The following DMC1 variants were observed in gnomAD, a reference collection of about 807,000 sequenced individuals.
DMC1 encodes the protein DNA meiotic recombinase 1.
A neutral mutation model predicts 50.1 loss-of-function variants in DMC1; 27 were observed. That is an observed-to-expected ratio of 0.54 (90% confidence interval 0.40 to 0.74). DMC1 has a LOEUF of 0.74. Ranked by LOEUF, DMC1 falls within the 30% of genes least tolerant of loss-of-function variation. The probability of loss-of-function intolerance (pLI) is 0.00; values close to 1 mark genes in which losing one functional copy is unlikely to be tolerated. For missense variants in DMC1, 295 were observed against 420.2 expected (o/e 0.70, Z 2.60); for synonymous variants, 148 against 136.1 (o/e 1.09, Z -0.61).
intron 8 of DMC1, among the ~76,000 whole-genome samples, chr22:38,543,172 A>G (rs999623997): frequency 5.9e-5 from 9 of 152,108 alleles, no homozygotes. Flanking sequence ...ATACCACACA[A>G]GCACAGTCAA....
In DMC1 at chr22:38,522,034, C is replaced by T. The variant is rs141455715; in HGVS notation, c.837-310G>A. Among the ~76,000 whole-genome samples the T allele has an allele frequency of 7.5e-4, 114 of 151,952 alleles. No homozygotes were observed. In the East Asian group the frequency reaches 0.019, roughly 25 times the overall value. ...GTGGTGTGATCTCACTCACTGCAAC[C>T]TCTGCCTCCTGGGTTCAAGCGATTC... On this transcript the variant is annotated intron_variant, in intron 12 of 13. Coordinates refer to ENST00000216024, the MANE Select transcript of DMC1 (RefSeq NM_007068.4).
chr22:38,518,231 C>G (rs1440213151), downstream of DMC1, among the ~76,000 whole-genome samples: 1 of 152,190 alleles, frequency 6.6e-6, no homozygotes, highest in Non-Finnish European at 1.5e-5. Context: ...CTCGGCCTCT[C>G]AAAGTGCTGG....
In DMC1 at chr22:38,554,838, G is replaced by A. The variant is rs11570406; in HGVS notation, c.379+519C>T. ...TTATCAGCTGGGCGCAGTGGCTCAC[G>A]CCTGTAATCCCAGCACTTTGGAAGG... On this transcript the variant is annotated intron_variant, in intron 6 of 13. Coordinates refer to ENST00000216024, the MANE Select transcript of DMC1 (RefSeq NM_007068.4). Among the ~76,000 whole-genome samples, 868 of 151,818 alleles carry A rather than the reference G, an allele frequency of 5.7e-3. 7 individuals carry two copies. Among genetic ancestry groups the A allele is most frequent in the African/African-American group, 0.02 (835 of 41,474 alleles).
At chr22:38,533,675 ATT>A (rs1206308528) in intron 12 of DMC1, among the ~76,000 whole-genome samples, 2 of 152,204 alleles carry the variant, frequency 1.3e-5, no homozygotes, top group Non-Finnish European at 2.9e-5. Flanking sequence ...ACTCTAATTA[ATT>A]TAGGCAAGAA....
intron 8 of DMC1, among the ~76,000 whole-genome samples, chr22:38,547,548 T>C (rs1306231650): frequency 6.6e-6 from 1 of 150,818 alleles, no homozygotes; most frequent in Non-Finnish European, 1.5e-5. Flanking sequence ...TTGTTTTTGT[T>C]TTTTTTTTTG....
At chr22:38,524,875 A>C (rs552212577) in intron 12 of DMC1, among the ~76,000 whole-genome samples, 136 of 152,218 alleles carry the variant, frequency 8.9e-4, no homozygotes, top group Admixed American at 2.2e-3. Context: ...CAGCCTGACC[A>C]ACATGGAGAA....
At chr22:38,516,458 A>G (rs2089977362), downstream of DMC1, among the ~76,000 whole-genome samples, 1 of 152,192 alleles carries the variant, frequency 6.6e-6, no homozygotes, top group Non-Finnish European at 1.5e-5. Flanking sequence ...TGTCCCTACT[A>G]AAAGACTCTG....
intron 12 of DMC1, among the ~76,000 whole-genome samples, chr22:38,524,870 T>C (rs1254174181): frequency 6.6e-6 from 1 of 152,126 alleles, no homozygotes; most frequent in Non-Finnish European, 1.5e-5. Flanking sequence ...AAGATCAGCC[T>C]GACCAACATG....
intron 12 of DMC1, among the ~76,000 whole-genome samples, chr22:38,530,886 A>G (rs766310452): frequency 1.3e-4 from 20 of 152,294 alleles, no homozygotes; most frequent in Non-Finnish European, 2.6e-4. Context: ...CCTGGCCAAC[A>G]TGGTGAAACC....
At chr22:38,523,871 A>G (rs1183437182) in intron 12 of DMC1, among the ~76,000 whole-genome samples, 1 of 152,244 alleles carries the variant, frequency 6.6e-6, no homozygotes, top group Non-Finnish European at 1.5e-5. Context: ...GAAGTTAAGA[A>G]AAAATAAAAT....
intron 7 of DMC1, 40 bp from the exon 8 acceptor site, chr22:38,550,037 A>G (rs1481470680): frequency 6.9e-7 from 1 of 1,456,362 alleles, no homozygotes; most frequent in Admixed American, 1.8e-5. Flanking sequence ...AGGAGTGAAT[A>G]AACTTTGTAC....
chr22:38,549,230 T>A (rs1165779790), intron 8 of DMC1: 1 of 152,188 alleles, frequency 6.6e-6, no homozygotes, highest in Non-Finnish European at 1.5e-5. Flanking sequence ...TAAACTGCAA[T>A]TCGTTGTGTT....
intron 12 of DMC1, among the ~76,000 whole-genome samples, chr22:38,523,354 C>T (rs1030322522): frequency 1.3e-5 from 2 of 152,152 alleles, no homozygotes; most frequent in Admixed American, 6.5e-5. Context: ...TTTCAGGTCA[C>T]CCTACCTTAC....
At chr22:38,516,790 C>T (rs191628846), downstream of DMC1, among the ~76,000 whole-genome samples, 7 of 152,184 alleles carry the variant, frequency 4.6e-5, no homozygotes, top group African/African-American at 1.7e-4. Flanking sequence ...GCAGGTTAAA[C>T]AGTTGAGGAG....
intron 7 of DMC1, 79 bp downstream of exon 7, chr22:38,552,587 T>G: frequency 9.7e-7 from 1 of 1,035,236 alleles, no homozygotes; most frequent in Non-Finnish European, 1.5e-6. Flanking sequence ...ATGAGATTAT[T>G]TAGAGTATCA....
Position 38,538,574 on chromosome 22 carries a change from T to C in DMC1, c.625A>G (p.Lys209Glu). 2 of 1,614,102 alleles carry C rather than the reference T, an allele frequency of 1.2e-6. No homozygotes were observed. Among genetic ancestry groups the C allele is most frequent in the Non-Finnish European group, 1.7e-6 (2 of 1,180,018 alleles). Residue 209 changes from lysine (K) to glutamate (E), a missense_variant, in exon 10 of 14, where the codon AAG becomes GAG. Coordinates refer to ENST00000216024, the MANE Select transcript of DMC1 (RefSeq NM_007068.4). ...AAGATGCCAGCTTCTTCATGGAACT[T>C]TGCTGCTACATAATCAAGTAGCTCC... ...QMELLDYVAA[K>E]FHEEAGIFKL...
intron 1 of DMC1, among the ~76,000 whole-genome samples, chr22:38,569,722 G>A (rs1472668439): frequency 2.6e-5 from 4 of 152,234 alleles, no homozygotes; most frequent in Non-Finnish European, 5.9e-5. Context: ...TCTGGTGGGG[G>A]CAGCAGCGCG....
chr22:38,526,217 T>C (rs1380225022), intron 12 of DMC1, among the ~76,000 whole-genome samples: 1 of 152,070 alleles, frequency 6.6e-6, no homozygotes, highest in Non-Finnish European at 1.5e-5. Context: ...TGGATTTTTT[T>C]TTTTTGAGAC....
intron 4 of DMC1, among the ~76,000 whole-genome samples, chr22:38,563,404 G>C (rs2090548592): frequency 6.6e-6 from 1 of 152,156 alleles, no homozygotes; most frequent in Admixed American, 6.5e-5. Context: ...TATCCTACTT[G>C]AGTGAGCCAA....
Sources: gnomAD v4.1 joint callset for allele counts (sites outside exome capture counted in the v4.1 genomes callset) on GRCh38, gnomAD v4.1.1 for gene constraint, MANE v1.5 for transcripts, NCBI Gene and HGNC (gene_info 2026-07-23, HGNC 2026-07-21) for gene names.